Variants in CTNND2 observed in about 807,000 individuals in gnomAD.
The protein encoded by CTNND2 is catenin delta-2.
Under a neutral mutation model 144.4 loss-of-function variants are expected in CTNND2, and 22 were observed. That is an observed-to-expected ratio of 0.15 (90% CI 0.11 to 0.22). CTNND2 has a LOEUF of 0.22. Among genes scored for constraint, CTNND2 ranks in the 10% least tolerant of loss-of-function variants. The probability of loss-of-function intolerance (pLI) is 1.00; values close to 1 mark genes in which losing one functional copy is unlikely to be tolerated. For synonymous variants in CTNND2, 751 were observed against 695.6 expected, an observed-to-expected ratio of 1.08 and a Z score of -1.25; for missense variants, 1,353 against 1,618.8, an observed-to-expected ratio of 0.84 and a Z score of 2.82.
chr5:11,735,732 C>T (rs1369207621), intron 1 of CTNND2, among the ~76,000 whole-genome samples: 1 of 152,170 alleles, frequency 6.6e-6, no homozygotes, highest in African/African-American at 2.4e-5. Context: ...CTCTTGCCTG[C>T]CACCATGCAA....
chr5:11,312,285 C>T (rs1460131012), intron 9 of CTNND2, among the ~76,000 whole-genome samples: 2 of 150,526 alleles, frequency 1.3e-5, no homozygotes, highest in African/African-American at 4.9e-5. Flanking sequence ...CCCCCCAACA[C>T]ACATACTCCC....
chr5:11,710,432 T>C (rs746256973), intron 2 of CTNND2, among the ~76,000 whole-genome samples: 2 of 150,454 alleles, frequency 1.3e-5, no homozygotes, highest in Non-Finnish European at 3.0e-5. Flanking sequence ...CCCAGCTACT[T>C]GGGAGGCTGA....
At chr5:11,504,529 C>T (rs897534813) in intron 3 of CTNND2, among the ~76,000 whole-genome samples, 2 of 152,164 alleles carry the variant, frequency 1.3e-5, no homozygotes, top group Non-Finnish European at 2.9e-5. Flanking sequence ...CCTGACAATT[C>T]TTTCCCTTCA....
intron 6 of CTNND2, among the ~76,000 whole-genome samples, chr5:11,390,487 C>T (rs1368632358): frequency 6.6e-6 from 1 of 152,202 alleles, no homozygotes; most frequent in Non-Finnish European, 1.5e-5. Flanking sequence ...ATCCAGTTAA[C>T]AAGAGACCTG....
intron 1 of CTNND2, among the ~76,000 whole-genome samples, chr5:11,768,709 T>C (rs1789743254): frequency 6.6e-6 from 1 of 152,154 alleles, no homozygotes; most frequent in Non-Finnish European, 1.5e-5. Context: ...CCCATGCTCA[T>C]TGATAAAAAC....
intron 9 of CTNND2, among the ~76,000 whole-genome samples, chr5:11,308,880 C>A (rs1289195310): frequency 6.6e-6 from 1 of 152,078 alleles, no homozygotes; most frequent in East Asian, 1.9e-4. Flanking sequence ...GAAAGCATGG[C>A]TGGGGAGGCC....
intron 11 of CTNND2, among the ~76,000 whole-genome samples, chr5:11,189,032 T>G (rs893650166): frequency 1.1e-4 from 16 of 152,302 alleles, no homozygotes; most frequent in African/African-American, 3.9e-4. Flanking sequence ...GACACAAGCG[T>G]TAGGAGGGCA....
In CTNND2 at chr5:11,055,120, T is replaced by C. The variant is rs183023892; in HGVS notation, c.2788+27576A>G. 3.3e-4 allele frequency among the ~76,000 whole-genome samples: 50 copies of C among 152,188 alleles called. No individual in the cohort carries two copies. In the East Asian group the frequency reaches 9.3e-3, roughly 28 times the overall value. ...GGCTTGATTGAGGAATGAATAACGGTTGGAGAAGGTAGAGTTAAGGACGTA... is the reference window on the plus strand; with the variant it reads ...GGCTTGATTGAGGAATGAATAACGGCTGGAGAAGGTAGAGTTAAGGACGTA... On this transcript the variant is annotated intron_variant, in intron 16 of 21. Coordinates refer to ENST00000304623, the MANE Select transcript of CTNND2 (RefSeq NM_001332.4).
chr5:11,429,502 G>C (rs968364501), intron 3 of CTNND2, among the ~76,000 whole-genome samples: 18 of 152,114 alleles, frequency 1.2e-4, no homozygotes, highest in South Asian at 4.1e-4. Flanking sequence ...CGGGAAATTC[G>C]CAGGCTGCCA....
intron 10 of CTNND2, among the ~76,000 whole-genome samples, chr5:11,229,182 A>T (rs1740703711): frequency 6.6e-6 from 1 of 152,226 alleles, no homozygotes; most frequent in Non-Finnish European, 1.5e-5. Flanking sequence ...TCCTTCTCAC[A>T]TATAAAGTCA....
At chr5:11,316,797 A>T (rs1015004152) in intron 9 of CTNND2, among the ~76,000 whole-genome samples, 1 of 152,066 alleles carries the variant, frequency 6.6e-6, no homozygotes, top group East Asian at 1.9e-4. Flanking sequence ...AGTTTCATCC[A>T]TGTCCCTACA....
intron 17 of CTNND2, among the ~76,000 whole-genome samples, chr5:11,020,460 T>C (rs906637544): frequency 2.0e-5 from 3 of 152,106 alleles, no homozygotes; most frequent in African/African-American, 4.8e-5. Flanking sequence ...CGTTCCCAAT[T>C]ATTAAATTAT....
intron 3 of CTNND2, among the ~76,000 whole-genome samples, chr5:11,491,814 A>C (rs1272394625): frequency 6.6e-6 from 1 of 152,180 alleles, no homozygotes; most frequent in Admixed American, 6.5e-5. Flanking sequence ...ATACCCAGTC[A>C]ATGTTTTAAA....
intron 1 of CTNND2, among the ~76,000 whole-genome samples, chr5:11,850,775 C>T (rs1045805600): frequency 6.6e-6 from 1 of 152,152 alleles, no homozygotes; most frequent in African/African-American, 2.4e-5. Context: ...ATATAAACTT[C>T]CCTGTAGCTC....
At chr5:11,723,608 A>G (rs542555357) in intron 2 of CTNND2, among the ~76,000 whole-genome samples, 42 of 152,330 alleles carry the variant, frequency 2.8e-4, no homozygotes, top group African/African-American at 1.0e-3. Context: ...ATGGAAAAAG[A>G]CAGTAAGTTC....
chr5:11,679,108 C>T (rs1381801991), intron 2 of CTNND2, among the ~76,000 whole-genome samples: 1 of 152,066 alleles, frequency 6.6e-6, no homozygotes, highest in Non-Finnish European at 1.5e-5. Context: ...GAAACGATGC[C>T]TATCCAGGAA....
intron 2 of CTNND2, among the ~76,000 whole-genome samples, chr5:11,687,983 A>T (rs1175786497): frequency 1.3e-5 from 2 of 152,142 alleles, no homozygotes; most frequent in African/African-American, 4.8e-5. Flanking sequence ...GTGCCTGGAG[A>T]GTTTGGAGAA....
At chr5:11,879,990 G>A (rs1001612472) in intron 1 of CTNND2, among the ~76,000 whole-genome samples, 8 of 152,236 alleles carry the variant, frequency 5.3e-5, no homozygotes, top group African/African-American at 1.9e-4. Flanking sequence ...CTGAGATGGA[G>A]GATCCACTGT....
chr5:11,126,598 A>C (rs924370423), intron 12 of CTNND2, among the ~76,000 whole-genome samples: 2 of 152,242 alleles, frequency 1.3e-5, no homozygotes, highest in Non-Finnish European at 2.9e-5. Context: ...ACCGTCCAGC[A>C]AGGTAAACAG....
Sources: gnomAD v4.1 joint callset for allele counts (sites outside exome capture counted in the v4.1 genomes callset) on GRCh38, gnomAD v4.1.1 for gene constraint, MANE v1.5 for transcripts, NCBI Gene and HGNC (gene_info 2026-07-23, HGNC 2026-07-21) for gene names.